ITK: variants seen among roughly 807,000 people sequenced by gnomAD.
ITK encodes the protein IL2 inducible T cell kinase.
ITK carries 45 observed loss-of-function variants against 87.6 expected under a neutral mutation model. The observed-to-expected ratio is 0.51, with a 90% confidence interval of 0.40 to 0.66. The LOEUF is 0.66. Ranked by LOEUF, ITK falls within the 30% of genes least tolerant of loss-of-function variation. The probability of loss-of-function intolerance (pLI) is 0.00; values close to 1 mark genes in which losing one functional copy is unlikely to be tolerated. For missense variants in ITK, 605 were observed against 766.3 expected (o/e 0.79, Z 2.48); for synonymous variants, 303 against 273.6 (o/e 1.11, Z -1.06).
chr5:157,187,544 T>C (rs1384532788), intron 1 of ITK, among the ~76,000 whole-genome samples: 1 of 152,082 alleles, frequency 6.6e-6, no homozygotes, highest in Non-Finnish European at 1.5e-5. Flanking sequence ...TTACTGGGTG[T>C]AGAAACAAGT....
rs1272674224 is a variant in ITK at position 157,208,967 on chromosome 5, C to A, written c.217C>A (p.Pro73Thr). ...VEIVKSDISI[P>T]CHYKYPFQVV... ...GATTGTGAAAAGTGACATCAGCATC[C>A]CATGCCACTATAAATACCCGTTTCA... is the stretch of plus-strand genomic sequence containing the variant. Residue 73 changes from proline (P) to threonine (T), a missense_variant, in exon 2 of 17, where the codon CCA becomes ACA. Physicochemically the swap from Pro to Thr is conservative, Grantham distance 38 (BLOSUM62 -1). Around this residue, in one of 3 missense-constraint regions of ITK, gnomAD observed 464 missense variants for 578.0 expected, o/e 0.80. Coordinates refer to ENST00000422843, the MANE Select transcript of ITK (RefSeq NM_005546.4). The A allele has an allele frequency of 6.2e-7, 1 of 1,613,192 alleles. No individual in the cohort carries two copies. The highest frequency in any genetic ancestry group is 8.5e-7 in the Non-Finnish European group (1 of 1,179,270).
intron 1 of ITK, among the ~76,000 whole-genome samples, chr5:157,193,972 C>G (rs1455178000): frequency 6.6e-6 from 1 of 152,084 alleles, no homozygotes; most frequent in Non-Finnish European, 1.5e-5. Flanking sequence ...ATTCTTTGAA[C>G]AAGATAAAAG....
intron 6 of ITK, among the ~76,000 whole-genome samples, chr5:157,224,830 T>C (rs1190005664): frequency 6.6e-6 from 1 of 152,202 alleles, no homozygotes; most frequent in East Asian, 1.9e-4. Context: ...TGTATGATTG[T>C]ATTATTAGTA....
rs1481724651 is a variant in ITK, at chr5:157,254,354, CAT to C, written c.*1677_*1678del. 5 of 224,298 alleles carry C rather than the reference CAT, an allele frequency of 2.2e-5. No homozygotes were observed. The highest frequency in any genetic ancestry group is 4.4e-5 in the Non-Finnish European group (5 of 112,594). 13.9% of individuals were successfully genotyped at this position (224,298 alleles called of 1,614,324 possible). On this transcript the variant is annotated 3_prime_UTR_variant, in exon 17 of 17. Transcript: ENST00000422843. ...CCTTTAATTCTCACAACCAACCAGT[CAT>C]GTTGCTTGAAGCCATTTATAGACGA...
At chr5:157,221,017 C>A (rs1300857263) in intron 5 of ITK, among the ~76,000 whole-genome samples, 5 of 152,118 alleles carry the variant, frequency 3.3e-5, no homozygotes, top group African/African-American at 9.6e-5. Flanking sequence ...TGCCACCACA[C>A]CTGGCTAACT....
At chr5:157,217,765 C>A in intron 4 of ITK, 102 bp from the exon 5 acceptor site, 1 of 970,300 alleles carries the variant, frequency 1.0e-6, no homozygotes, top group Non-Finnish European at 1.7e-6. Flanking sequence ...CTGTTGTTTT[C>A]CCTGGGCCCT....
intron 8 of ITK, among the ~76,000 whole-genome samples, chr5:157,233,623 G>A (rs1754702696): frequency 6.6e-6 from 1 of 152,138 alleles, no homozygotes; most frequent in Non-Finnish European, 1.5e-5. Flanking sequence ...AATTTACAAT[G>A]CAAATGTAGC....
chr5:157,247,850 A>AT (rs1380232906), intron 15 of ITK, among the ~76,000 whole-genome samples: 1 of 152,156 alleles, frequency 6.6e-6, no homozygotes, highest in Non-Finnish European at 1.5e-5. Flanking sequence ...ACTTTGCTCA[A>AT]TTTTTTTATC....
At chr5:157,232,510 A>T (rs1455873789) in intron 8 of ITK, 116 bp downstream of exon 8, 1 of 544,142 alleles carries the variant, frequency 1.8e-6, no homozygotes, top group African/African-American at 1.9e-5. Context: ...TGAGCCCAGG[A>T]GTTCAAGGTT....
Position 157,214,034 on chromosome 5 carries a change from G to A in ITK, c.326-157G>A, listed in dbSNP as rs30139. Among the ~76,000 whole-genome samples the A allele has an allele frequency of 0.23, 34,250 of 152,116 alleles. 4,449 individuals carry two copies. The highest frequency in any genetic ancestry group is 0.29 in the Admixed American group (4,442 of 15,274). ...GAACTACCCCAGTAAATAGCACAGT[G>A]CATTTATGCGCTCAGATCAACCCAT... On this transcript the variant is annotated intron_variant, in intron 3 of 16. Coordinates refer to ENST00000422843, the MANE Select transcript of ITK (RefSeq NM_005546.4).
At chr5:157,242,274 T>C (rs1055136406) in intron 11 of ITK, among the ~76,000 whole-genome samples, 1 of 152,226 alleles carries the variant, frequency 6.6e-6, no homozygotes, top group Admixed American at 6.5e-5. Flanking sequence ...GCCTGGACTC[T>C]GAAGGCATTT....
chr5:157,252,922 C>T lies in ITK; in HGVS notation c.*244C>T, dbSNP rs1321985374. Reference sequence around the variant, plus strand: ...GAACAGGAGTGATGTCTCTGCCCTTCCTCTAGCCTCTTGTCACATGTGGTG... The same window carrying T: ...GAACAGGAGTGATGTCTCTGCCCTTTCTCTAGCCTCTTGTCACATGTGGTG... On this transcript the variant is annotated 3_prime_UTR_variant, in exon 17 of 17. Coordinates refer to ENST00000422843, the MANE Select transcript of ITK (RefSeq NM_005546.4). The T allele has an allele frequency of 1.8e-6, 1 of 554,002 alleles. No homozygotes were observed. The highest frequency in any genetic ancestry group is 3.3e-6 in the Non-Finnish European group (1 of 305,854). The allele number at this position is 554,002 out of a possible 1,614,324, so 34.3% of individuals were successfully genotyped here.
intron 3 of ITK, among the ~76,000 whole-genome samples, chr5:157,211,797 T>C (rs1445204197): frequency 2.0e-5 from 3 of 152,190 alleles, no homozygotes; most frequent in Non-Finnish European, 4.4e-5. Flanking sequence ...TGTCACTTGC[T>C]ATGTACACTT....
intron 1 of ITK, among the ~76,000 whole-genome samples, chr5:157,183,528 C>A (rs963496687): frequency 4.6e-5 from 7 of 152,160 alleles, no homozygotes; most frequent in Non-Finnish European, 8.8e-5. Flanking sequence ...TGGTAAGCAT[C>A]TAGTAAAAAT....
At chr5:157,226,459 T>A (rs989236210) in intron 6 of ITK, among the ~76,000 whole-genome samples, 1 of 152,246 alleles carries the variant, frequency 6.6e-6, no homozygotes, top group African/African-American at 2.4e-5. Flanking sequence ...CCAAGAGTGA[T>A]ACAGAAGGAA....
rs1580904025 is a variant in ITK, at chr5:157,238,104, T to G, written c.769-5T>G. ...CTAACTTTCCATTCTTTCTAACCAT[T>G]CCAGGGCAAAGAAGGAGCCTTCATG... On this transcript the variant is annotated splice_polypyrimidine_tract_variant and splice_region_variant and intron_variant, in intron 8 of 16. Transcript: ENST00000422843. 6.2e-7 allele frequency: 1 copy of G among 1,610,242 alleles called. No homozygotes were observed. The highest frequency in any genetic ancestry group is 8.5e-7 in the Non-Finnish European group (1 of 1,176,534).
chr5:157,215,747 T>C (rs974221176), intron 4 of ITK, among the ~76,000 whole-genome samples: 3 of 152,192 alleles, frequency 2.0e-5, no homozygotes, highest in African/African-American at 7.2e-5. Context: ...TGTCCTCATC[T>C]CAAAAATGGC....
At chr5:157,191,386 C>T (rs1753751811) in intron 1 of ITK, among the ~76,000 whole-genome samples, 1 of 151,996 alleles carries the variant, frequency 6.6e-6, no homozygotes, top group Non-Finnish European at 1.5e-5. Context: ...AAGACTGAAA[C>T]CAAATTAGAA....
At chr5:157,218,731 C>T (rs1336248429) in intron 5 of ITK, among the ~76,000 whole-genome samples, 1 of 152,112 alleles carries the variant, frequency 6.6e-6, no homozygotes, top group Non-Finnish European at 1.5e-5. Flanking sequence ...TTTCCAAGGC[C>T]ATTCAGCAAC....
Sources: allele counts gnomAD v4.1 joint callset (sites outside exome capture counted in the v4.1 genomes callset), GRCh38; gene constraint gnomAD v4.1.1; regional missense constraint gnomAD v4.1.1; transcripts MANE v1.5; gene names NCBI Gene and HGNC (gene_info 2026-07-23, HGNC 2026-07-21).